The following USP26 variants were observed in gnomAD, a reference collection of about 807,000 sequenced individuals.
USP26 encodes ubiquitin carboxyl-terminal hydrolase 26.
For missense variants in USP26, 649 were observed against 642.3 expected (o/e 1.01, Z -0.11); for synonymous variants, 236 against 240.6 (o/e 0.98, Z 0.18).
rs867581978 is a variant in USP26 at position 133,026,420 on chromosome X, G to A, written c.1801C>T (p.His601Tyr). 5.0e-6 allele frequency: 6 copies of A among 1,207,901 alleles called. No individual in the cohort carries two copies. The highest frequency in any genetic ancestry group is 1.8e-5 in the African/African-American group (1 of 56,738). The stretch of plus-strand genomic sequence containing the variant: ...TCAGACTCCTTATCTGATCCAATGT[G>A]TGGAGCCAGGATATCTTTGGATTCC... ...TKESKDILAP[H>Y]IGSDKESEQK... Residue 601 changes from histidine to tyrosine, a missense_variant, in exon 6 of 6, where the codon CAC becomes TAC. Transcript: ENST00000511190.
At chrX:133,071,915 G>A (rs997841049) in intron 5 of USP26, among the ~76,000 whole-genome samples, 1 of 111,463 alleles carries the variant, frequency 9.0e-6, no homozygotes, top group Non-Finnish European at 1.9e-5. Flanking sequence ...ACCTGGGAAG[G>A]TAAAGGGTTG....
intron 4 of USP26, among the ~76,000 whole-genome samples, chrX:133,085,016 C>T (rs1252577775): frequency 1.8e-5 from 2 of 111,849 alleles, no homozygotes; most frequent in Non-Finnish European, 3.8e-5. Flanking sequence ...GCAACCTCTG[C>T]CCCCCAGGTC....
intron 5 of USP26, among the ~76,000 whole-genome samples, chrX:133,079,747 C>T (rs964501199): frequency 2.7e-5 from 3 of 111,278 alleles, no homozygotes; most frequent in Non-Finnish European, 5.7e-5. Flanking sequence ...TTACAGAAGC[C>T]AAGAAAGAGA....
At chrX:133,061,460 G>A (rs758832049) in intron 5 of USP26, among the ~76,000 whole-genome samples, 4 of 112,791 alleles carry the variant, frequency 3.5e-5, no homozygotes, top group Non-Finnish European at 5.6e-5. Context: ...ATTGTAAAGT[G>A]AGGAATGGCA....
chrX:133,038,240 C>T (rs1179879486), intron 5 of USP26, among the ~76,000 whole-genome samples: 2 of 111,329 alleles, frequency 1.8e-5, no homozygotes, highest in Admixed American at 1.9e-4. Context: ...TTGTCTTCTG[C>T]TGGTTTTCAA....
chrX:133,049,206 C>T (rs2067450839), intron 5 of USP26, among the ~76,000 whole-genome samples: 1 of 111,871 alleles, frequency 8.9e-6, no homozygotes, highest in African/African-American at 3.2e-5. Context: ...CTTCTAAATA[C>T]TAAGCCAGGG....
At position 133,026,957 on chromosome X, in the gene USP26, C is replaced by A; in HGVS notation, c.1264G>T (p.Ala422Ser). ...GEDNFPKQVF[A>S]DDPDTSGFSC... Reference sequence around the variant, plus strand: ...AACCCACTGGTGTCAGGATCATCAGCAAAAACCTGTTTAGGAAAATTATCT... The same window carrying A: ...AACCCACTGGTGTCAGGATCATCAGAAAAAACCTGTTTAGGAAAATTATCT... The change falls in exon 6 of 6, where the codon GCT becomes TCT. Residue 422 changes from alanine (A) to serine (S), a missense_variant. Transcript: ENST00000511190. 1 of 1,211,175 alleles carries A rather than the reference C, an allele frequency of 8.3e-7. No individual in the cohort carries two copies. Among genetic ancestry groups the A allele is most frequent in the Admixed American group, 2.2e-5 (1 of 45,921 alleles).
rs141099380 is a variant in USP26, at chrX:133,025,990, C to T, written c.2231G>A (p.Gly744Asp). 7.4e-6 allele frequency: 9 copies of T among 1,208,342 alleles called. No homozygotes were observed. Among genetic ancestry groups the T allele is most frequent in the African/African-American group, 1.8e-5 (1 of 56,960 alleles). ...KVSEQTQQCD[G>D]MRICEQAPQQ... Reference sequence around the variant, plus strand: ...AGGGGCTTGTTCACAGATTCTCATACCGTCACACTGCTGAGTCTGTTCAGA... The same window carrying T: ...AGGGGCTTGTTCACAGATTCTCATATCGTCACACTGCTGAGTCTGTTCAGA... The change falls in exon 6 of 6, where the codon GGT becomes GAT. Residue 744 changes from glycine (G) to aspartate (D), a missense_variant. Physicochemically the swap from Gly to Asp is moderately conservative, Grantham distance 94. Transcript: ENST00000511190.
In USP26 at chrX:133,025,547, T is replaced by A. The variant is rs1224447094; in HGVS notation, c.2674A>T (p.Met892Leu). Residue 892 changes from methionine to leucine, a missense_variant, in exon 6 of 6, where the codon ATG (methionine) becomes TTG (leucine). Transcript: ENST00000511190. ...TGGGCATTCTCTTCTCTTTTCAACATCTCTTCAAAGATCTCATTATGCATG... is the reference window on the plus strand; with the variant it reads ...TGGGCATTCTCTTCTCTTTTCAACAACTCTTCAAAGATCTCATTATGCATG... Reference protein sequence around the residue: ...FYMHNEIFEEMLKREENAQLN... With the variant: ...FYMHNEIFEELLKREENAQLN... 3.3e-6 allele frequency: 4 copies of A among 1,209,117 alleles called. No individual in the cohort carries two copies.
intron 5 of USP26, among the ~76,000 whole-genome samples, chrX:133,081,775 T>C (rs1241307871): frequency 1.8e-5 from 2 of 111,851 alleles, no homozygotes; most frequent in Admixed American, 9.5e-5. Flanking sequence ...TAAAGATTCA[T>C]CTAATGTCCA....
rs1323279618 is a variant in USP26 at position 133,027,965 on chromosome X, A to G, written c.256T>C (p.Leu86=). The change falls in exon 6 of 6, where the codon TTA becomes CTA. Residue 86 remains leucine (L), a synonymous_variant. Transcript: ENST00000511190. ...AATTGTTCAGCATCTGTGGAGGATA[A>G]TCCTTCAATAAACAAGCCATTATTA... is the stretch of plus-strand genomic sequence containing the variant. ...QNNNGLFIEG[L]SSTDAEQLKI... 2 of 1,209,865 alleles carry G rather than the reference A, an allele frequency of 1.7e-6. No individual in the cohort carries two copies. Among genetic ancestry groups the G allele is most frequent in the East Asian group, 5.9e-5 (2 of 33,756 alleles).
chrX:133,061,086 T>C (rs763046192), intron 5 of USP26, among the ~76,000 whole-genome samples: 16 of 111,804 alleles, frequency 1.4e-4, no homozygotes, highest in Non-Finnish European at 2.4e-4. Context: ...CCCCCAGAGA[T>C]ACCAAAGAAC....
chrX:133,068,942 G>C (rs1205415060), intron 5 of USP26, among the ~76,000 whole-genome samples: 1 of 112,233 alleles, frequency 8.9e-6, no homozygotes, highest in Non-Finnish European at 1.9e-5. Flanking sequence ...TCAATAGAGT[G>C]CTTACTGTAG....
chrX:133,076,161 T>C (rs989482314), intron 5 of USP26, among the ~76,000 whole-genome samples: 1 of 111,353 alleles, frequency 9.0e-6, no homozygotes, highest in African/African-American at 3.3e-5. Context: ...TTTTCAAACA[T>C]GCAGTCTCTA....
intron 5 of USP26, among the ~76,000 whole-genome samples, chrX:133,074,421 C>G (rs990606325): frequency 7.2e-5 from 8 of 111,809 alleles, no homozygotes; most frequent in African/African-American, 2.6e-4. Context: ...TTGAATACTC[C>G]GTTGAGGAAT....
chrX:133,095,609 AT>A (rs2067626616), intron 1 of USP26, among the ~76,000 whole-genome samples: 1 of 111,751 alleles, frequency 8.9e-6, no homozygotes, highest in Non-Finnish European at 1.9e-5. Context: ...TGCCAACAAT[AT>A]TTTTTTAAGA....
intron 5 of USP26, among the ~76,000 whole-genome samples, chrX:133,028,550 A>T (rs1453325605): frequency 5.4e-5 from 6 of 111,947 alleles, no homozygotes; most frequent in Non-Finnish European, 1.1e-4. Flanking sequence ...AACAAAACTC[A>T]AACTCTACAC....
chrX:133,084,674 T>G (rs1287945047), intron 4 of USP26, among the ~76,000 whole-genome samples: 1 of 110,018 alleles, frequency 9.1e-6, no homozygotes, highest in Non-Finnish European at 1.9e-5. Flanking sequence ...CCACCGTGCC[T>G]GGCCCATAAC....
At chrX:133,091,727 A>G (rs751649176) in intron 1 of USP26, among the ~76,000 whole-genome samples, 2 of 111,663 alleles carry the variant, frequency 1.8e-5, no homozygotes, top group African/African-American at 6.5e-5. Flanking sequence ...AGGGGTTTCA[A>G]TGCCATCATT....
Sources: allele counts gnomAD v4.1 joint callset (sites outside exome capture counted in the v4.1 genomes callset), GRCh38; gene constraint gnomAD v4.1.1; transcripts MANE v1.5; gene names NCBI Gene and HGNC (gene_info 2026-07-23, HGNC 2026-07-21).